NTRK3: variants seen among roughly 807,000 people sequenced by gnomAD.
NTRK3 encodes the protein NT-3 growth factor receptor.
NTRK3 carries 24 observed loss-of-function variants against 91.7 expected under a neutral mutation model. The observed-to-expected ratio is 0.26, with a 90% confidence interval of 0.19 to 0.37. The LOEUF is 0.37. Ranked by LOEUF, NTRK3 falls within the 10% of genes least tolerant of loss-of-function variation. The pLI is 1.00. For missense variants in NTRK3, 880 were observed against 1,068.9 expected (o/e 0.82, Z 2.46); for synonymous variants, 483 against 404.0 (o/e 1.20, Z -2.34).
intron 13 of NTRK3, among the ~76,000 whole-genome samples, chr15:88,123,383 C>T (rs535106100): frequency 1.3e-5 from 2 of 152,310 alleles, no homozygotes; most frequent in South Asian, 4.2e-4. Flanking sequence ...ACAAGGCTTT[C>T]CCTAAGTAAA....
intron 14 of NTRK3, among the ~76,000 whole-genome samples, chr15:88,019,713 G>C (rs898335726): frequency 6.6e-6 from 1 of 152,180 alleles, no homozygotes; most frequent in African/African-American, 2.4e-5. Context: ...CATGAGAGAA[G>C]TTAACCTGGT....
At chr15:87,970,284 T>C (rs889151426) in intron 14 of NTRK3, among the ~76,000 whole-genome samples, 4 of 152,190 alleles carry the variant, frequency 2.6e-5, no homozygotes, top group Admixed American at 1.3e-4. Context: ...GTGAAATGAC[T>C]TACCATTTTC....
chr15:87,979,573 G>C, intron 14 of NTRK3: 1 of 725,380 alleles, frequency 1.4e-6, no homozygotes, highest in Non-Finnish European at 2.4e-6. Flanking sequence ...AGCTTGAAAG[G>C]GGAAGAACTG....
chr15:87,969,084 C>T (rs1020490219), intron 14 of NTRK3, among the ~76,000 whole-genome samples: 2 of 152,104 alleles, frequency 1.3e-5, no homozygotes, highest in Admixed American at 6.6e-5. Flanking sequence ...CCTTCCTATG[C>T]CCAGCATACT....
At chr15:88,113,061 G>A (rs928646148) in intron 13 of NTRK3, among the ~76,000 whole-genome samples, 4 of 152,068 alleles carry the variant, frequency 2.6e-5, no homozygotes, top group African/African-American at 9.7e-5. Context: ...TGGCATTACC[G>A]CTTTCTTCCC....
chr15:88,116,627 T>C (rs758448934), intron 13 of NTRK3, among the ~76,000 whole-genome samples: 6 of 152,170 alleles, frequency 3.9e-5, no homozygotes, highest in Non-Finnish European at 7.4e-5. Context: ...ACTTAAAGCA[T>C]GGTCCACAGA....
chr15:88,044,494 C>CACG (rs1280855977), intron 13 of NTRK3, among the ~76,000 whole-genome samples: 1 of 151,798 alleles, frequency 6.6e-6, no homozygotes, highest in African/African-American at 2.4e-5. Context: ...ATCTCCTGAC[C>CACG]TCGTGATCTG....
intron 5 of NTRK3, among the ~76,000 whole-genome samples, chr15:88,149,031 C>T (rs1051571218): frequency 6.6e-6 from 1 of 152,212 alleles, no homozygotes. Context: ...AAGTTTGACA[C>T]ACTGTTAGCT....
intron 13 of NTRK3, among the ~76,000 whole-genome samples, chr15:88,071,973 G>C (rs918374097): frequency 6.6e-6 from 1 of 150,956 alleles, no homozygotes; most frequent in African/African-American, 2.4e-5. Flanking sequence ...GGGTTCCAGG[G>C]TTCTCACAGA....
At chr15:88,183,328 A>C in intron 5 of NTRK3, 90 bp downstream of exon 5, 2 of 1,381,434 alleles carry the variant, frequency 1.4e-6, no homozygotes, top group Non-Finnish European at 2.1e-6. Context: ...CTGGAGGCAA[A>C]AAGCCAGGTC....
chr15:88,137,378 G>T (rs943989815), intron 7 of NTRK3, 26 bp downstream of exon 7: 2 of 1,611,900 alleles, frequency 1.2e-6, no homozygotes, highest in African/African-American at 2.7e-5. Flanking sequence ...CCTGGAGCCA[G>T]CTGGGCCAGG....
At chr15:87,957,307 A>G (rs1223431771) in intron 14 of NTRK3, among the ~76,000 whole-genome samples, 1 of 152,214 alleles carries the variant, frequency 6.6e-6, no homozygotes, top group South Asian at 2.1e-4. Context: ...AATTGTCTTC[A>G]TATAATTATC....
chr15:88,050,443 CTT>C lies in NTRK3; in HGVS notation c.1397-17400_1397-17399del, dbSNP rs557347221. 1.2e-3 allele frequency among the ~76,000 whole-genome samples: 184 copies of C among 151,794 alleles called. 1 individual carries two copies. The Middle Eastern group carries it at 0.017, about 14-fold the overall frequency. On this transcript the variant is annotated intron_variant, in intron 13 of 18. Coordinates refer to ENST00000394480, the Ensembl canonical transcript of NTRK3. ...TCTACTTCAGATATTAGACATGTAT[CTT>C]TTTAAAGTTTAGCTAGGTAGATTGA... is the stretch of plus-strand genomic sequence containing the variant.
intron 5 of NTRK3, among the ~76,000 whole-genome samples, chr15:88,161,621 C>T (rs2044464913): frequency 6.6e-6 from 1 of 152,172 alleles, no homozygotes; most frequent in Admixed American, 6.5e-5. Flanking sequence ...GGAGACCCAT[C>T]CACTAGCATG....
rs1248023723 is a variant in NTRK3, at chr15:88,240,749, T to G, written c.248+15157A>C. On this transcript the variant is annotated intron_variant, in intron 3 of 18. Coordinates refer to ENST00000394480, the Ensembl canonical transcript of NTRK3. This position sits in a 1 kb window ranked among gnomAD's most constrained non-coding sequence, Gnocchi z 4.9. ...TCACTGTGCTGAGAATGGAAGCGGG[T>G]TAAAATAAAAGTCCCCTTAAAGGAG... is the stretch of plus-strand genomic sequence containing the variant. 6.6e-6 allele frequency among the ~76,000 whole-genome samples: 1 copy of G among 152,014 alleles called. No individual in the cohort carries two copies. The highest frequency in any genetic ancestry group is 1.5e-5 in the Non-Finnish European group (1 of 68,004).
chr15:88,192,306 T>C (rs2047468848), intron 3 of NTRK3, among the ~76,000 whole-genome samples: 1 of 152,140 alleles, frequency 6.6e-6, no homozygotes, highest in Non-Finnish European at 1.5e-5. Flanking sequence ...GCCAGTTCAC[T>C]GGGGAGTCCA....
chr15:88,157,102 C>A (rs2043976602), intron 5 of NTRK3, among the ~76,000 whole-genome samples: 1 of 152,112 alleles, frequency 6.6e-6, no homozygotes, highest in African/African-American at 2.4e-5. Context: ...CCTGGGACCT[C>A]TTTCTGTCCC....
At chr15:87,860,339 T>G in exon 19 of NTRK3, 1 of 216,462 alleles carries the variant, frequency 4.6e-6, no homozygotes, top group Non-Finnish European at 9.3e-6. Context: ...AAAAAAATAA[T>G]TTTTTGTTTT....
intron 13 of NTRK3, among the ~76,000 whole-genome samples, chr15:88,074,490 C>G (rs10520673): frequency 6.6e-6 from 1 of 152,132 alleles, no homozygotes; most frequent in African/African-American, 2.4e-5. Context: ...ACTGGTGAGT[C>G]CCTGTCTCTG....
Sources: allele counts gnomAD v4.1 joint callset (sites outside exome capture counted in the v4.1 genomes callset), GRCh38; gene constraint gnomAD v4.1.1; non-coding constraint Gnocchi (gnomAD v3.1); transcripts MANE v1.5; gene names NCBI Gene and HGNC (gene_info 2026-07-23, HGNC 2026-07-21).